The following TARS2 variants were observed in gnomAD, a reference collection of about 807,000 sequenced individuals.
TARS2 encodes threonyl-tRNA synthetase 2, mitochondrial.
In TARS2, 61 loss-of-function variants were observed where a neutral mutation model predicts 94.4. The ratio of observed to expected loss-of-function variants is 0.65; its 90% confidence interval spans 0.53 to 0.80. TARS2 has a LOEUF of 0.80. TARS2 is among the 30% of genes least tolerant of loss of function. The pLI is 0.00. For missense variants in TARS2, 704 were observed against 902.5 expected, an observed-to-expected ratio of 0.78 and a Z score of 2.82; for synonymous variants, 359 against 353.4, an observed-to-expected ratio of 1.02 and a Z score of -0.18.
chr1:150,498,444 G>A (rs1384430769), intron 10 of TARS2, 58 bp from the exon 11 acceptor site: 7 of 1,503,076 alleles, frequency 4.7e-6, no homozygotes, highest in Non-Finnish European at 6.2e-6. Flanking sequence ...GGGTGGAGGA[G>A]CAGTCTTCGG....
intron 9 of TARS2, 152 bp downstream of exon 9, chr1:150,497,060 A>G (rs1669696643): frequency 2.9e-6 from 2 of 699,240 alleles, no homozygotes; most frequent in Non-Finnish European, 4.7e-6. Context: ...AGCCGTGCAG[A>G]TCACCTGAGG....
In TARS2 at chr1:150,503,585, ATG is replaced by A. The variant is rs1180611628; in HGVS notation, c.1618-734_1618-733del. On this transcript the variant is annotated intron_variant, in intron 13 of 17. Transcript: ENST00000369064. ...TGTGTGTGTGTGTGTGTGTATATAT[ATG>A]TGTGTGTGTGTGTGTATGTGTGTAT... Among the ~76,000 whole-genome samples the A allele has an allele frequency of 3.9e-3, 531 of 137,138 alleles. 5 individuals are homozygous for A. Among genetic ancestry groups the A allele is most frequent in the East Asian group, 7.1e-3 (34 of 4,800 alleles). 90.0% of individuals were successfully genotyped at this position (137,138 alleles called of 152,430 possible).
chr1:150,503,226 G>C (rs1000537988), intron 13 of TARS2, among the ~76,000 whole-genome samples: 1 of 152,164 alleles, frequency 6.6e-6, no homozygotes, highest in Non-Finnish European at 1.5e-5. Flanking sequence ...TTCTCTTGCA[G>C]GGCCAAAGAT....
At chr1:150,501,302 ATTTTTTTTTTT>A (rs869271907) in intron 13 of TARS2, among the ~76,000 whole-genome samples, 20 of 32,098 alleles carry the variant, frequency 6.2e-4, no homozygotes, top group Admixed American at 2.0e-3. Context: ...ACAAAAAAAA[ATTTTTTTTTTT>A]TTTTTTTTTT....
chr1:150,493,461 T>A (rs1669494528), intron 7 of TARS2, among the ~76,000 whole-genome samples: 1 of 152,112 alleles, frequency 6.6e-6, no homozygotes, highest in Admixed American at 6.6e-5. Flanking sequence ...GCATGCTTTT[T>A]ATGAAAATAC....
At chr1:150,503,028 T>C (rs1236110691) in intron 13 of TARS2, among the ~76,000 whole-genome samples, 1 of 152,122 alleles carries the variant, frequency 6.6e-6, no homozygotes, top group Non-Finnish European at 1.5e-5. Context: ...GATACTGCTA[T>C]AAAAAGAGAG....
chr1:150,490,123 T>G (rs1336020355), intron 3 of TARS2, among the ~76,000 whole-genome samples: 5 of 132,038 alleles, frequency 3.8e-5, no homozygotes, highest in Non-Finnish European at 6.6e-5. Context: ...TCTTTTTTTT[T>G]TTTTTTTTTT....
At chr1:150,500,168 C>G (rs1386980115) in intron 13 of TARS2, among the ~76,000 whole-genome samples, 1 of 151,572 alleles carries the variant, frequency 6.6e-6, no homozygotes, top group East Asian at 1.9e-4. Context: ...TAGAGTGAGA[C>G]CCTGTCTCAA....
chr1:150,491,107 C>A (rs1669363372), intron 4 of TARS2, among the ~76,000 whole-genome samples: 1 of 152,076 alleles, frequency 6.6e-6, no homozygotes, highest in Non-Finnish European at 1.5e-5. Context: ...TACTTGTTAG[C>A]TTTCATAAAT....
At chr1:150,502,452 C>T (rs1423987371) in intron 13 of TARS2, among the ~76,000 whole-genome samples, 2 of 149,148 alleles carry the variant, frequency 1.3e-5, no homozygotes, top group Non-Finnish European at 3.0e-5. Context: ...GTGGCACAAT[C>T]TCGGCTCACC....
intron 4 of TARS2, 65 bp from the exon 5 acceptor site, chr1:150,491,329 G>T: frequency 6.5e-7 from 1 of 1,528,058 alleles, no homozygotes; most frequent in South Asian, 1.1e-5. Flanking sequence ...CTAGCCAACA[G>T]GTGTGTCACC....
chr1:150,494,628 A>C (rs1384064566), intron 7 of TARS2, among the ~76,000 whole-genome samples: 1 of 151,448 alleles, frequency 6.6e-6, no homozygotes, highest in Non-Finnish European at 1.5e-5. Flanking sequence ...AGTCCCAGCT[A>C]CTCGGGAGGC....
chr1:150,487,802 A>G, intron 1 of TARS2, 56 bp from the exon 2 acceptor site: 5 of 1,577,564 alleles, frequency 3.2e-6, no homozygotes, highest in Non-Finnish European at 4.3e-6. Context: ...ATCATCTGCA[A>G]TTCTAAGAAA....
intron 4 of TARS2, among the ~76,000 whole-genome samples, chr1:150,491,150 G>A (rs1390268352): frequency 6.6e-6 from 1 of 152,024 alleles, no homozygotes; most frequent in Non-Finnish European, 1.5e-5. Context: ...CATTACTATT[G>A]TTCTAACTTT....
intron 17 of TARS2, among the ~76,000 whole-genome samples, 197 bp from the exon 18 acceptor site, chr1:150,506,719 C>G (rs587747347): frequency 1.3e-5 from 2 of 151,900 alleles, no homozygotes; most frequent in African/African-American, 4.8e-5. Context: ...GAAGCACTTC[C>G]TTGTCTCCTC....
rs1257397788 is a variant in TARS2 at position 150,496,530 on chromosome 1, A to G, written c.823A>G (p.Arg275Gly). 6 of 1,613,974 alleles carry G rather than the reference A, an allele frequency of 3.7e-6. No homozygotes were observed. Among genetic ancestry groups the G allele is most frequent in the South Asian group, 1.1e-5 (1 of 91,086 alleles). Residue 275 changes from arginine (R) to glycine (G), a missense_variant, in exon 8 of 18, where the codon AGA (arginine) becomes GGA (glycine). Arg to Gly is a moderately radical substitution (Grantham distance 125). Coordinates refer to ENST00000369064, the MANE Select transcript of TARS2 (RefSeq NM_025150.5). ...TTCAGGGGCCCCAGAGACACTGCAGAGAGTGTCAGGGATTTCCTTCCCCAC... is the reference window on the plus strand; with the variant it reads ...TTCAGGGGCCCCAGAGACACTGCAGGGAGTGTCAGGGATTTCCTTCCCCAC... ...RSSGAPETLQ[R>G]VSGISFPTTE...
In TARS2 at chr1:150,506,963, C is replaced by G. The variant is rs755744805; in HGVS notation, c.2056C>G (p.Arg686Gly). The G allele has an allele frequency of 1.2e-6, 2 of 1,614,136 alleles. No homozygotes were observed. Among genetic ancestry groups the G allele is most frequent in the Non-Finnish European group, 1.7e-6 (2 of 1,180,036 alleles). ...TAAGAGAACAGTGAACATTCGGACT[C>G]GAGATAATCGTCGCCTTGGGGAGTG... ...QSKRTVNIRTRDNRRLGEWDL... is the reference protein window; with the variant it reads ...QSKRTVNIRTGDNRRLGEWDL... The change falls in exon 18 of 18, where the codon CGA becomes GGA. Residue 686 changes from arginine to glycine, a missense_variant. Around this residue, in one of 3 missense-constraint regions of TARS2, gnomAD observed 466 missense variants for 609.5 expected, o/e 0.76. Transcript: ENST00000369064.
intron 13 of TARS2, among the ~76,000 whole-genome samples, chr1:150,502,063 C>A (rs1260591138): frequency 6.6e-6 from 1 of 151,670 alleles, no homozygotes; most frequent in Non-Finnish European, 1.5e-5. Context: ...CAGGCATGTA[C>A]CACCACGCCC....
intron 1 of TARS2, 28 bp downstream of exon 1, chr1:150,487,544 T>G (rs1416913611): frequency 6.2e-7 from 1 of 1,614,168 alleles, no homozygotes; most frequent in Non-Finnish European, 8.5e-7. Context: ...AAAGCTCCGA[T>G]CCGCATCAGA....
Sources: allele counts gnomAD v4.1 joint callset (sites outside exome capture counted in the v4.1 genomes callset), GRCh38; gene constraint gnomAD v4.1.1; regional missense constraint gnomAD v4.1.1; transcripts MANE v1.5; gene names NCBI Gene and HGNC (gene_info 2026-07-23, HGNC 2026-07-21).